The following TRPM3 variants were observed in gnomAD, a reference collection of about 807,000 sequenced individuals.
The protein encoded by TRPM3 is long transient receptor potential channel 3.
A neutral mutation model predicts 181.2 loss-of-function variants in TRPM3; 77 were observed. That is an observed-to-expected ratio of 0.42 (90% confidence interval 0.35 to 0.51). The LOEUF (loss-of-function observed/expected upper bound fraction) is 0.51, where lower values mean the gene tolerates loss of function less well. Among genes scored for constraint, TRPM3 ranks in the 20% least tolerant of loss-of-function variants. The probability of loss-of-function intolerance (pLI) is 0.01; values close to 1 mark genes in which losing one functional copy is unlikely to be tolerated. For synonymous variants in TRPM3, 745 were observed against 796.4 expected (o/e 0.94, Z 1.09); for missense variants, 1,759 against 2,196.7 (o/e 0.80, Z 3.98).
intron 1 of TRPM3, among the ~76,000 whole-genome samples, chr9:71,312,780 A>G (rs2088095106): frequency 6.6e-6 from 1 of 152,170 alleles, no homozygotes; most frequent in African/African-American, 2.4e-5. Context: ...CATATTATTG[A>G]GAGTAACCAA....
intron 19 of TRPM3, among the ~76,000 whole-genome samples, chr9:70,604,937 C>T (rs945942198): frequency 1.3e-5 from 2 of 149,026 alleles, no homozygotes; most frequent in African/African-American, 2.5e-5. Flanking sequence ...TAGGCATGAG[C>T]CACCATGCTC....
chr9:71,267,475 A>G (rs990634209), intron 1 of TRPM3, among the ~76,000 whole-genome samples: 1 of 152,114 alleles, frequency 6.6e-6, no homozygotes, highest in Admixed American at 6.6e-5. Flanking sequence ...GGCTAAATAA[A>G]TGGGTGCTAT....
intron 1 of TRPM3, among the ~76,000 whole-genome samples, chr9:71,003,404 G>C (rs2134259607): frequency 1.1e-5 from 1 of 94,230 alleles, no homozygotes. Flanking sequence ...TTGTGCATAT[G>C]GTTTTTTTTT....
intron 1 of TRPM3, among the ~76,000 whole-genome samples, chr9:71,203,992 GA>G (rs1232773203): frequency 1.3e-5 from 2 of 152,020 alleles, no homozygotes; most frequent in Non-Finnish European, 2.9e-5. Flanking sequence ...ATGGTGCTGG[GA>G]AAACTGGCTA....
chr9:71,057,782 T>A (rs1174568266), intron 1 of TRPM3, among the ~76,000 whole-genome samples: 1 of 152,064 alleles, frequency 6.6e-6, no homozygotes, highest in Non-Finnish European at 1.5e-5. Flanking sequence ...TTTTTCAACT[T>A]TTCCATACCT....
At chr9:71,373,601 C>T (rs764182520) in intron 1 of TRPM3, among the ~76,000 whole-genome samples, 3 of 152,080 alleles carry the variant, frequency 2.0e-5, no homozygotes, top group Non-Finnish European at 4.4e-5. Flanking sequence ...TCTGAATAGA[C>T]CAATAACAAG....
intron 1 of TRPM3, among the ~76,000 whole-genome samples, chr9:70,957,487 G>A (rs1004444293): frequency 6.6e-6 from 1 of 152,104 alleles, no homozygotes; most frequent in Non-Finnish European, 1.5e-5. Context: ...TCACACAGGG[G>A]TTGTGAAACA....
chr9:70,647,446 G>C (rs1319812426), intron 9 of TRPM3, among the ~76,000 whole-genome samples: 4 of 152,100 alleles, frequency 2.6e-5, no homozygotes, highest in Non-Finnish European at 5.9e-5. Flanking sequence ...AAAAACACAT[G>C]ATAATCTTAA....
intron 1 of TRPM3, among the ~76,000 whole-genome samples, chr9:71,419,982 T>A (rs962210205): frequency 2.0e-5 from 3 of 152,004 alleles, no homozygotes; most frequent in African/African-American, 7.2e-5. Flanking sequence ...TTCTTTTAAA[T>A]CAAATAATGA....
chr9:70,631,190 G>C (rs2065774661), intron 12 of TRPM3, among the ~76,000 whole-genome samples: 1 of 152,186 alleles, frequency 6.6e-6, no homozygotes, highest in African/African-American at 2.4e-5. Context: ...GCTTCATCTG[G>C]TGAGAGCTCA....
At chr9:70,908,156 G>A (rs1194583050) in intron 1 of TRPM3, among the ~76,000 whole-genome samples, 1 of 152,142 alleles carries the variant, frequency 6.6e-6, no homozygotes, top group Non-Finnish European at 1.5e-5. Context: ...ATAAATCAAT[G>A]TCATATATCA....
At chr9:71,290,913 A>G (rs1368023281) in intron 1 of TRPM3, among the ~76,000 whole-genome samples, 1 of 152,158 alleles carries the variant, frequency 6.6e-6, no homozygotes, top group Non-Finnish European at 1.5e-5. Flanking sequence ...AAGGCAAGGA[A>G]AAAAGAAAAC....
chr9:71,096,501 G>A (rs1465993868), intron 1 of TRPM3, among the ~76,000 whole-genome samples: 9 of 144,606 alleles, frequency 6.2e-5, no homozygotes, highest in Admixed American at 1.4e-4. Context: ...AGACCCAGTC[G>A]GTGACAAGCT....
At chr9:71,260,248 T>G (rs1295603993) in intron 1 of TRPM3, among the ~76,000 whole-genome samples, 1 of 152,222 alleles carries the variant, frequency 6.6e-6, no homozygotes, top group Non-Finnish European at 1.5e-5. Context: ...ATACATCTGT[T>G]TTGGTACTAG....
chr9:70,994,892 T>C (rs2097527865), intron 1 of TRPM3, among the ~76,000 whole-genome samples: 1 of 152,216 alleles, frequency 6.6e-6, no homozygotes, highest in Non-Finnish European at 1.5e-5. Context: ...AACATGAAGC[T>C]GGCCTGGGAT....
chr9:70,962,789 C>T lies in TRPM3; in HGVS notation c.178-98278G>A, dbSNP rs74587379. Among the ~76,000 whole-genome samples, 449 of 152,078 alleles carry T rather than the reference C, an allele frequency of 3.0e-3. 3 individuals carry two copies. Among genetic ancestry groups the T allele is most frequent in the African/African-American group, 9.9e-3 (410 of 41,468 alleles). On this transcript the variant is annotated intron_variant, in intron 1 of 25. Transcript: ENST00000677713. The stretch of plus-strand genomic sequence containing the variant: ...AAATATCTTACTGTATGGTACCTTG[C>T]GTAACTGAAAGAATGGAAAGAGAAA...
intron 1 of TRPM3, among the ~76,000 whole-genome samples, chr9:71,223,726 A>G (rs771962499): frequency 5.3e-5 from 8 of 152,192 alleles, no homozygotes; most frequent in Admixed American, 2.6e-4. Flanking sequence ...ATCTGACTGA[A>G]GAATCCTTGG....
intron 1 of TRPM3, among the ~76,000 whole-genome samples, chr9:70,867,240 A>G (rs960642791): frequency 6.6e-6 from 1 of 152,082 alleles, no homozygotes; most frequent in Admixed American, 6.6e-5. Flanking sequence ...ATGGCTATAC[A>G]GCAAAGAAAT....
At chr9:71,258,891 G>C (rs770227418) in intron 1 of TRPM3, among the ~76,000 whole-genome samples, 30 of 152,164 alleles carry the variant, frequency 2.0e-4, no homozygotes, top group Non-Finnish European at 4.1e-4. Context: ...ATATTTTAAT[G>C]GAGCTTTTCT....
Sources: allele counts gnomAD v4.1 joint callset (sites outside exome capture counted in the v4.1 genomes callset), GRCh38; gene constraint gnomAD v4.1.1; transcripts MANE v1.5; gene names NCBI Gene and HGNC (gene_info 2026-07-23, HGNC 2026-07-21).